The following PDE10A variants were observed in gnomAD, a reference collection of about 807,000 sequenced individuals.
The protein encoded by PDE10A is cAMP and cAMP-inhibited cGMP 3',5'-cyclic phosphodiesterase 10A.
In PDE10A, 39 loss-of-function variants were observed where a neutral mutation model predicts 97.7. The ratio of observed to expected loss-of-function variants is 0.40; its 90% CI spans 0.31 to 0.52. The LOEUF is 0.52. Among genes scored for constraint, PDE10A ranks in the 20% least tolerant of loss-of-function variants. The probability of loss-of-function intolerance (pLI) is 0.56; values close to 1 mark genes in which losing one functional copy is unlikely to be tolerated. For missense variants in PDE10A, 731 were observed against 1,047.8 expected, an observed-to-expected ratio of 0.70 and a Z score of 4.17; for synonymous variants, 371 against 376.8, an observed-to-expected ratio of 0.98 and a Z score of 0.18.
Position 165,764,134 on chromosome 6 carries a change from C to A in PDE10A, c.-614-220566G>T, listed in dbSNP as rs556937056. ...AGCTCCACTCCTGGTAACAGCAATG[C>A]AGTAGACGGATGAGGCTCTTGGCTC... is the stretch of plus-strand genomic sequence containing the variant. On this transcript the variant is annotated intron_variant, in intron 1 of 19. Coordinates refer to the PDE10A transcript ENST00000366882. Among the ~76,000 whole-genome samples, 3 of 152,292 alleles carry A rather than the reference C, an allele frequency of 2.0e-5. No individual in the cohort carries two copies. In the South Asian group the frequency reaches 6.2e-4, roughly 32 times the overall value.
intron 1 of PDE10A, among the ~76,000 whole-genome samples, chr6:165,942,378 C>T (rs1166666577): frequency 2.6e-5 from 4 of 152,094 alleles, no homozygotes; most frequent in Non-Finnish European, 5.9e-5. Flanking sequence ...TTATTGTTCC[C>T]TGTTTTGTTT....
At chr6:165,784,186 C>G (rs1311004196) in intron 1 of PDE10A, among the ~76,000 whole-genome samples, 2 of 150,710 alleles carry the variant, frequency 1.3e-5, no homozygotes, top group Non-Finnish European at 3.0e-5. Flanking sequence ...CACCACCACA[C>G]ACCAGCCCAG....
chr6:165,590,503 T>C (rs1431577017), intron 1 of PDE10A, among the ~76,000 whole-genome samples: 9 of 152,202 alleles, frequency 5.9e-5, no homozygotes, highest in African/African-American at 1.4e-4. Flanking sequence ...CAAACACCTT[T>C]TGAGTGCTTA....
chr6:165,863,948 T>C (rs1332539892), intron 1 of PDE10A, among the ~76,000 whole-genome samples: 1 of 152,212 alleles, frequency 6.6e-6, no homozygotes, highest in African/African-American at 2.4e-5. Flanking sequence ...TGAGTGTCCT[T>C]AAGGCATAAA....
Position 165,595,199 on chromosome 6 carries a change from G to A in PDE10A, c.866-51631C>T, listed in dbSNP as rs528968799. ...GGGCCAGCCCTGCAGCTCACCTGCC[G>A]TAGCCTCAGTCCATCCTTTGCTAGC... On this transcript the variant is annotated intron_variant, in intron 1 of 21. Transcript: ENST00000539869. 5.3e-5 allele frequency among the ~76,000 whole-genome samples: 8 copies of A among 152,238 alleles called. No individual in the cohort carries two copies. The South Asian group carries it at 8.3e-4, about 16-fold the overall frequency.
chr6:165,822,717 G>C (rs190105280), intron 1 of PDE10A, among the ~76,000 whole-genome samples: 1 of 152,246 alleles, frequency 6.6e-6, no homozygotes. Flanking sequence ...TGAAGGCCTC[G>C]GACATGGCGT....
At chr6:165,708,423 TTCATCTCC>T (rs1791775731) in intron 1 of PDE10A, among the ~76,000 whole-genome samples, 1 of 151,946 alleles carries the variant, frequency 6.6e-6, no homozygotes, top group South Asian at 2.1e-4. Flanking sequence ...CATTTGCATC[TTCATCTCC>T]TGTCAGTGCC....
At chr6:165,597,397 T>C (rs1303705788) in intron 1 of PDE10A, among the ~76,000 whole-genome samples, 2 of 152,186 alleles carry the variant, frequency 1.3e-5, no homozygotes, top group Non-Finnish European at 2.9e-5. Context: ...AAAAGATATC[T>C]CAATTCTCAA....
intron 3 of PDE10A, among the ~76,000 whole-genome samples, chr6:165,469,930 G>C (rs1386419934): frequency 6.6e-6 from 1 of 152,166 alleles, no homozygotes; most frequent in African/African-American, 2.4e-5. Flanking sequence ...GTGCTGTAAA[G>C]AGACAGGCTT....
intron 1 of PDE10A, among the ~76,000 whole-genome samples, chr6:165,835,024 A>G (rs1780029593): frequency 6.6e-6 from 1 of 152,194 alleles, no homozygotes. Flanking sequence ...GTCAGAGTCC[A>G]GCTTTTCGGA....
intron 17 of PDE10A, among the ~76,000 whole-genome samples, chr6:165,386,315 A>T (rs1431800536): frequency 6.6e-6 from 1 of 152,180 alleles, no homozygotes; most frequent in African/African-American, 2.4e-5. Context: ...TATTCTGCTC[A>T]GGGGCAATAA....
intron 1 of PDE10A, among the ~76,000 whole-genome samples, chr6:165,668,473 C>A (rs1790551258): frequency 6.6e-6 from 1 of 152,162 alleles, no homozygotes; most frequent in Non-Finnish European, 1.5e-5. Flanking sequence ...ACTCTGGAAT[C>A]TTTTTCTTGC....
chr6:165,954,604 T>C (rs923953220), intron 1 of PDE10A, among the ~76,000 whole-genome samples: 1 of 151,986 alleles, frequency 6.6e-6, no homozygotes, highest in African/African-American at 2.4e-5. Flanking sequence ...AGGCACAGGG[T>C]CTCTCCGTCC....
At chr6:165,353,149 C>T (rs1782807509) in intron 18 of PDE10A, among the ~76,000 whole-genome samples, 1 of 152,138 alleles carries the variant, frequency 6.6e-6, no homozygotes, top group African/African-American at 2.4e-5. Flanking sequence ...TAACACTACA[C>T]ATCTATTAGA....
chr6:165,924,937 C>T (rs1376044208), intron 1 of PDE10A, among the ~76,000 whole-genome samples: 5 of 152,164 alleles, frequency 3.3e-5, no homozygotes, highest in Admixed American at 2.0e-4. Flanking sequence ...CAAAATTAGA[C>T]ACATGTGCTG....
chr6:165,430,799 AT>A (rs771546459), intron 8 of PDE10A, among the ~76,000 whole-genome samples: 2 of 152,090 alleles, frequency 1.3e-5, no homozygotes, highest in Non-Finnish European at 2.9e-5. Flanking sequence ...CTACAGCTCG[AT>A]TTTTCTTCCT....
intron 1 of PDE10A, among the ~76,000 whole-genome samples, chr6:165,729,888 G>A (rs1303767437): frequency 1.3e-5 from 2 of 152,092 alleles, no homozygotes; most frequent in African/African-American, 4.8e-5. Flanking sequence ...AATTTCTGTT[G>A]TTTTTGATTG....
At chr6:165,469,593 A>G (rs896126544) in intron 3 of PDE10A, among the ~76,000 whole-genome samples, 1 of 152,214 alleles carries the variant, frequency 6.6e-6, no homozygotes, top group Non-Finnish European at 1.5e-5. Context: ...CTTTTCTTGC[A>G]GTCTTCCTGT....
chr6:165,416,746 C>T (rs373278063), intron 11 of PDE10A, among the ~76,000 whole-genome samples: 12 of 152,238 alleles, frequency 7.9e-5, no homozygotes, highest in African/African-American at 2.2e-4. Flanking sequence ...ACACATATAA[C>T]CAAACTCACA....
Sources: gnomAD v4.1 joint callset for allele counts (sites outside exome capture counted in the v4.1 genomes callset) on GRCh38, gnomAD v4.1.1 for gene constraint, MANE v1.5 for transcripts, NCBI Gene and HGNC (gene_info 2026-07-23, HGNC 2026-07-21) for gene names.